The following KIF14 variants were observed in gnomAD, a reference collection of about 807,000 sequenced individuals.
KIF14 encodes the protein kinesin-like protein KIF14.
Under a neutral mutation model 176.2 loss-of-function variants are expected in KIF14, and 98 were observed. The ratio of observed to expected loss-of-function variants is 0.56; its 90% CI spans 0.47 to 0.66. KIF14 has a LOEUF of 0.66. KIF14 is among the 30% of genes least tolerant of loss of function. The probability of loss-of-function intolerance (pLI) is 0.00; values close to 1 mark genes in which losing one functional copy is unlikely to be tolerated. For missense variants in KIF14, 1,751 were observed against 1,920.4 expected, an observed-to-expected ratio of 0.91 and a Z score of 1.65; for synonymous variants, 566 against 632.2, an observed-to-expected ratio of 0.90 and a Z score of 1.57.
rs150856183 is a variant in KIF14 at position 200,593,547 on chromosome 1, T to C, written c.2652+120A>G. ...TTAATAGGAAAAAGAATTTTTGAAA[T>C]GAAAAAGTCCTTAATCTGCTTCAAC... On this transcript the variant is annotated intron_variant, in intron 15 of 29. Transcript: ENST00000367350. The C allele has an allele frequency of 1.5e-3, 1,089 of 708,436 alleles. 18 individuals carry two copies. In the African/African-American group the frequency reaches 0.018, roughly 12 times the overall value. 43.9% of individuals were successfully genotyped at this position (708,436 alleles called of 1,614,324 possible).
At chr1:200,583,574 A>G (rs962393257) in intron 19 of KIF14, among the ~76,000 whole-genome samples, 1 of 152,222 alleles carries the variant, frequency 6.6e-6, no homozygotes, top group African/African-American at 2.4e-5. Context: ...AAAATTTTCC[A>G]TAATAAAAAA....
chr1:200,599,173 G>A (rs1659509142), intron 13 of KIF14, among the ~76,000 whole-genome samples: 2 of 152,170 alleles, frequency 1.3e-5, no homozygotes, highest in South Asian at 4.1e-4. Context: ...CTCTCAAAAT[G>A]TAAATTCCCT....
intron 12 of KIF14, 104 bp from the exon 13 acceptor site, chr1:200,600,217 T>C: frequency 8.4e-7 from 1 of 1,189,844 alleles, no homozygotes; most frequent in Non-Finnish European, 1.2e-6. Flanking sequence ...TAGTAATATT[T>C]AAAATATGAT....
Position 200,581,115 on chromosome 1 carries a change from G to GAAAAAAAAA in KIF14, c.3335+77_3335+85dup, listed in dbSNP as rs368717102. The stretch of plus-strand genomic sequence containing the variant: ...GGCAACAGAGCAAGACTCTGTCTCA[G>GAAAAAAAAA]AAAAAAAAAAAAAAAAAAGAGAAAC... On this transcript the variant is annotated intron_variant, in intron 20 of 29. Transcript: ENST00000367350. The GAAAAAAAAA allele has an allele frequency of 4.6e-3, 1,333 of 290,258 alleles. 12 individuals carry two copies. Among genetic ancestry groups the GAAAAAAAAA allele is most frequent in the African/African-American group, 9.7e-3 (218 of 22,544 alleles). 18.0% of individuals were successfully genotyped at this position (290,258 alleles called of 1,614,324 possible). A position where few individuals can be genotyped will look rare whatever the true frequency, so the allele number is the denominator to read the frequency against.
chr1:200,567,417 C>T (rs1240050881), intron 23 of KIF14, among the ~76,000 whole-genome samples: 2 of 151,476 alleles, frequency 1.3e-5, no homozygotes, highest in East Asian at 3.9e-4. Flanking sequence ...TGGTGGCAGG[C>T]GCCTGTAGCC....
rs1659860781 is a variant in KIF14, at chr1:200,605,960, C to A, written c.1608-66G>T. 4 of 865,030 alleles carry A rather than the reference C, an allele frequency of 4.6e-6. No homozygotes were observed. In the South Asian group the frequency reaches 5.7e-5, roughly 12 times the overall value. The allele number at this position is 865,030 out of a possible 1,614,324, so 53.6% of individuals were successfully genotyped here. A position where few individuals can be genotyped will look rare whatever the true frequency, so the allele number is the denominator to read the frequency against. On this transcript the variant is annotated intron_variant, in intron 6 of 29. Coordinates refer to ENST00000367350, the MANE Select transcript of KIF14 (RefSeq NM_014875.3). ...TGATTATACTCTTGTTCTCATAAAA[C>A]AATAACATTTCAATTACATATTTAC...
chr1:200,599,942 TAGTA>T, intron 13 of KIF14, 104 bp downstream of exon 13: 1 of 671,652 alleles, frequency 1.5e-6, no homozygotes, highest in South Asian at 1.9e-5. Context: ...AGTCAGTATA[TAGTA>T]AGTATTTGAA....
At chr1:200,567,864 C>T (rs953250808) in intron 23 of KIF14, among the ~76,000 whole-genome samples, 11 of 150,400 alleles carry the variant, frequency 7.3e-5, no homozygotes, top group African/African-American at 2.4e-4. Context: ...AAAAAAGCTA[C>T]AAAACCCAAA....
intron 27 of KIF14, among the ~76,000 whole-genome samples, chr1:200,556,758 A>G (rs1313760239): frequency 6.6e-6 from 1 of 152,206 alleles, no homozygotes; most frequent in Admixed American, 6.5e-5. Flanking sequence ...TAGACTGCAA[A>G]AGTGGTATCA....
chr1:200,605,999 A>T lies in KIF14; in HGVS notation c.1608-105T>A, dbSNP rs114433505. On this transcript the variant is annotated intron_variant, in intron 6 of 29. Coordinates refer to ENST00000367350, the MANE Select transcript of KIF14 (RefSeq NM_014875.3). ...TTACATATTTACGCTGAAGATCACA[A>T]TGGACTAATTCATGAATATTATTTT... is the stretch of plus-strand genomic sequence containing the variant. The T allele has an allele frequency of 9.6e-4, 546 of 570,090 alleles. 4 individuals carry two copies. The African/African-American group carries it at 9.8e-3, about 10-fold the overall frequency. 35.3% of individuals were successfully genotyped at this position (570,090 alleles called of 1,614,324 possible). A position where few individuals can be genotyped will look rare whatever the true frequency, so the allele number is the denominator to read the frequency against.
intron 4 of KIF14, among the ~76,000 whole-genome samples, chr1:200,610,167 T>C (rs1390387953): frequency 6.6e-6 from 1 of 152,100 alleles, no homozygotes; most frequent in Non-Finnish European, 1.5e-5. Flanking sequence ...TTATATACTT[T>C]AAAGTGGTTA....
At position 200,615,452 on chromosome 1, in the gene KIF14, A is replaced by G. The variant is rs1466851404; in HGVS notation, c.1270T>C (p.Tyr424His). 1.2e-6 allele frequency: 2 copies of G among 1,614,110 alleles called. No homozygotes were observed. Among genetic ancestry groups the G allele is most frequent in the Non-Finnish European group, 1.7e-6 (2 of 1,179,972 alleles). Residue 424 changes from tyrosine to histidine, a missense_variant, in exon 3 of 30, where the codon TAT becomes CAT. Coordinates refer to ENST00000367350, the MANE Select transcript of KIF14 (RefSeq NM_014875.3). ...HPHYASQTTV[Y>H]EKLAAPLLER... is the part of the protein sequence containing the mutation. The stretch of plus-strand genomic sequence containing the variant: ...AGGAGTGGTGCTGCTAGCTTCTCAT[A>G]GACAGTTGTCTGGCTAGCGTAGTGA...
intron 8 of KIF14, among the ~76,000 whole-genome samples, chr1:200,605,082 C>T (rs887032777): frequency 2.0e-5 from 3 of 151,992 alleles, no homozygotes; most frequent in Non-Finnish European, 4.4e-5. Flanking sequence ...GTACTTTTAC[C>T]TTTTGATTTA....
At chr1:200,602,397 C>T (rs532099740) in intron 10 of KIF14, among the ~76,000 whole-genome samples, 3 of 152,092 alleles carry the variant, frequency 2.0e-5, no homozygotes, top group Non-Finnish European at 2.9e-5. Flanking sequence ...GCTACCACAA[C>T]CTTTTGAAGC....
chr1:200,605,454 GAGA>G lies in KIF14; in HGVS notation c.1639-67_1639-65del, dbSNP rs1300321132. 1.1e-4 allele frequency: 128 copies of G among 1,157,658 alleles called. 1 individual carries two copies. Among genetic ancestry groups the G allele is most frequent in the South Asian group, 8.5e-4 (63 of 73,712 alleles). 71.7% of individuals were successfully genotyped at this position (1,157,658 alleles called of 1,614,324 possible). A position where few individuals can be genotyped will look rare whatever the true frequency, so the allele number is the denominator to read the frequency against. On this transcript the variant is annotated intron_variant, in intron 7 of 29. Transcript: ENST00000367350. ...TGTAACTCAATGATATAAAAATTAA[GAGA>G]GACAACATATACACATTTGTAATTC...
At chr1:200,605,777 A>G in intron 7 of KIF14, 87 bp downstream of exon 7, 1 of 822,660 alleles carries the variant, frequency 1.2e-6, no homozygotes, top group East Asian at 3.1e-5. Flanking sequence ...TTTTATTTGT[A>G]AAACAGCAAT....
intron 25 of KIF14, among the ~76,000 whole-genome samples, chr1:200,562,473 G>T (rs144207764): frequency 1.7e-4 from 26 of 152,316 alleles, no homozygotes; most frequent in African/African-American, 6.3e-4. Context: ...TAAGCAGTTT[G>T]CCCAAGGACG....
intron 13 of KIF14, among the ~76,000 whole-genome samples, chr1:200,598,769 G>T (rs1659489935): frequency 6.6e-6 from 1 of 152,044 alleles, no homozygotes; most frequent in African/African-American, 2.4e-5. Context: ...ATGTTGATCA[G>T]GCTGGTCTCG....
chr1:200,575,973 A>G (rs187150742), intron 21 of KIF14, among the ~76,000 whole-genome samples: 1 of 152,158 alleles, frequency 6.6e-6, no homozygotes, highest in African/African-American at 2.4e-5. Flanking sequence ...AACATAAACA[A>G]TAAAATCCTC....
Sources: allele counts gnomAD v4.1 joint callset (sites outside exome capture counted in the v4.1 genomes callset), GRCh38; gene constraint gnomAD v4.1.1; transcripts MANE v1.5; gene names NCBI Gene and HGNC (gene_info 2026-07-23, HGNC 2026-07-21).